Variants in TXNRD2 observed in about 807,000 individuals in gnomAD.
TXNRD2 encodes the protein thioredoxin reductase 2, mitochondrial.
Under a neutral mutation model 70.8 loss-of-function variants are expected in TXNRD2, and 67 were observed. The ratio of observed to expected loss-of-function variants is 0.95; its 90% CI spans 0.78 to 1.16. The LOEUF is 1.16. TXNRD2 is among the 50% of genes most tolerant of loss of function. TXNRD2 has a pLI of 0.00. For missense variants in TXNRD2, 644 were observed against 719.9 expected, an observed-to-expected ratio of 0.89 and a Z score of 1.21; for synonymous variants, 301 against 295.8, an observed-to-expected ratio of 1.02 and a Z score of -0.18.
At chr22:19,922,454 A>G (rs1012157) in intron 2 of TXNRD2, among the ~76,000 whole-genome samples, 122,059 of 152,042 alleles carry the variant, frequency 0.8, 49,216 homozygotes, top group Admixed American at 0.86. Flanking sequence ...TTAAGTATTC[A>G]AATGGTTTGT....
At position 19,877,245 on chromosome 22, in the gene TXNRD2, G is replaced by A. The variant is rs1470320494; in HGVS notation, c.1446-11C>T. 1 of 1,606,290 alleles carries A rather than the reference G, an allele frequency of 6.2e-7. No individual in the cohort carries two copies. Among genetic ancestry groups the A allele is most frequent in the Admixed American group, 1.7e-5 (1 of 59,900 alleles). On this transcript the variant is annotated splice_polypyrimidine_tract_variant and intron_variant, in intron 16 of 17. Coordinates refer to ENST00000400521, the MANE Select transcript of TXNRD2 (RefSeq NM_006440.5). ...TAGGAAGCCCCACACCTGCACATGG[G>A]GGATGGGGGAGGCAGGCGGGGTCAG... is the stretch of plus-strand genomic sequence containing the variant.
intron 9 of TXNRD2, among the ~76,000 whole-genome samples, 166 bp from the exon 10 acceptor site, chr22:19,898,296 G>T (rs148285762): frequency 6.6e-6 from 1 of 152,342 alleles, no homozygotes; most frequent in Non-Finnish European, 1.5e-5. Context: ...CACAGGCTGG[G>T]GTTAGCAAGG....
At chr22:19,892,704 G>A (rs1448736498) in intron 11 of TXNRD2, among the ~76,000 whole-genome samples, 2 of 152,194 alleles carry the variant, frequency 1.3e-5, no homozygotes, top group Non-Finnish European at 2.9e-5. Context: ...GGTGAACGGA[G>A]GTGTCAGCAG....
At chr22:19,904,619 G>A (rs992012382) in intron 8 of TXNRD2, among the ~76,000 whole-genome samples, 12 of 152,254 alleles carry the variant, frequency 7.9e-5, no homozygotes, top group African/African-American at 2.4e-4. Context: ...ACAGACGTGC[G>A]CTGAAAGGAG....
intron 1 of TXNRD2, among the ~76,000 whole-genome samples, chr22:19,933,083 G>A (rs1395444550): frequency 6.6e-6 from 1 of 152,104 alleles, no homozygotes; most frequent in African/African-American, 2.4e-5. Flanking sequence ...CTCAGGCCAT[G>A]GCCTGCAGCG....
intron 4 of TXNRD2, among the ~76,000 whole-genome samples, 180 bp downstream of exon 4, chr22:19,918,680 A>G (rs1940746868): frequency 6.6e-6 from 1 of 152,074 alleles, no homozygotes; most frequent in African/African-American, 2.4e-5. Flanking sequence ...CCCAGTGACA[A>G]CCAAAACTGT....
At chr22:19,891,072 G>A (rs1939243956) in intron 11 of TXNRD2, among the ~76,000 whole-genome samples, 1 of 152,250 alleles carries the variant, frequency 6.6e-6, no homozygotes, top group South Asian at 2.1e-4. Context: ...AAGCTCCCAT[G>A]CTCCATGCAT....
intron 11 of TXNRD2, among the ~76,000 whole-genome samples, chr22:19,888,882 C>CTT (rs11372870): frequency 0.046 from 6,498 of 142,612 alleles, 176 homozygotes; most frequent in Non-Finnish European, 0.063. Context: ...TATTTATCTT[C>CTT]TTTTTTTTTT....
chr22:19,882,953 G>GGGACAGGACGGCCCCAAGGCCAT (rs1938848894), intron 12 of TXNRD2, among the ~76,000 whole-genome samples: 1 of 152,252 alleles, frequency 6.6e-6, no homozygotes, highest in Non-Finnish European at 1.5e-5. Flanking sequence ...CAACCCTGTG[G>GGGACAGGACGGCCCCAAGGCCAT]GGACAGGACG....
intron 2 of TXNRD2, among the ~76,000 whole-genome samples, chr22:19,924,917 T>C (rs1319368705): frequency 2.7e-5 from 4 of 149,434 alleles, no homozygotes; most frequent in Admixed American, 1.3e-4. Context: ...ATAAAAATAG[T>C]AGCAGATTTC....
chr22:19,890,083 G>A (rs1939200219), intron 11 of TXNRD2, among the ~76,000 whole-genome samples: 1 of 152,214 alleles, frequency 6.6e-6, no homozygotes. Flanking sequence ...GCACCAGGCT[G>A]GTGGGTAAGC....
At chr22:19,932,303 G>C (rs541229257) in intron 1 of TXNRD2, 4 of 1,611,860 alleles carry the variant, frequency 2.5e-6, no homozygotes, top group Non-Finnish European at 3.4e-6. Context: ...GAGCTGCCTG[G>C]GCTCAGGTTT....
intron 14 of TXNRD2, among the ~76,000 whole-genome samples, chr22:19,879,534 T>C (rs1419462811): frequency 5.2e-5 from 6 of 114,402 alleles, no homozygotes; most frequent in Non-Finnish European, 1.0e-4. Flanking sequence ...AGGATGGGTA[T>C]CAGGATGTGG....
At chr22:19,893,084 T>C (rs753856251) in intron 11 of TXNRD2, among the ~76,000 whole-genome samples, 18 of 152,146 alleles carry the variant, frequency 1.2e-4, no homozygotes, top group Non-Finnish European at 2.2e-4. Flanking sequence ...TGGTTTCCTT[T>C]CTGATTTCCC....
intron 9 of TXNRD2, among the ~76,000 whole-genome samples, chr22:19,898,532 T>TTTTA (rs3081732): frequency 7.9e-6 from 1 of 126,334 alleles, no homozygotes; most frequent in African/African-American, 3.2e-5. Flanking sequence ...TTTTTTTTTT[T>TTTTA]GAGATGGAGT....
At chr22:19,918,345 G>A (rs34776119) in intron 4 of TXNRD2, 128 bp from the exon 5 acceptor site, 2 of 868,350 alleles carry the variant, frequency 2.3e-6, no homozygotes, top group East Asian at 2.6e-5. Context: ...TTTTAAAGGT[G>A]GCAAAACGTG....
intron 1 of TXNRD2, among the ~76,000 whole-genome samples, chr22:19,939,026 C>T (rs994613692): frequency 1.3e-5 from 2 of 152,188 alleles, no homozygotes; most frequent in Non-Finnish European, 2.9e-5. Context: ...AACTCCCAAA[C>T]CAATACCTGG....
At chr22:19,909,989 C>T (rs901113224) in intron 8 of TXNRD2, among the ~76,000 whole-genome samples, 9 of 152,042 alleles carry the variant, frequency 5.9e-5, no homozygotes, top group African/African-American at 2.2e-4. Flanking sequence ...ACCATTCACA[C>T]ACACACACCA....
At chr22:19,933,615 G>A (rs78308635) in intron 1 of TXNRD2, 39 of 774,740 alleles carry the variant, frequency 5.0e-5, no homozygotes, top group African/African-American at 1.5e-4. Context: ...GAGCCCTCTC[G>A]GGCTGATAAA....
Sources: gnomAD v4.1 joint callset for allele counts (sites outside exome capture counted in the v4.1 genomes callset) on GRCh38, gnomAD v4.1.1 for gene constraint, MANE v1.5 for transcripts, NCBI Gene and HGNC (gene_info 2026-07-23, HGNC 2026-07-21) for gene names.